DENND10: variants seen among roughly 807,000 people sequenced by gnomAD.
The protein encoded by DENND10 is DENN domain containing 10.
Under a neutral mutation model 43.6 loss-of-function variants are expected in DENND10, and 24 were observed. The observed-to-expected ratio is 0.55, with a 90% CI of 0.40 to 0.77. The LOEUF (loss-of-function observed/expected upper bound fraction) is 0.77, where lower values mean the gene tolerates loss of function less well. Ranked by LOEUF, DENND10 falls within the 30% of genes least tolerant of loss-of-function variation. DENND10 has a pLI of 0.00. For synonymous variants in DENND10, 125 were observed against 157.6 expected, an observed-to-expected ratio of 0.79 and a Z score of 1.55; for missense variants, 303 against 429.9, an observed-to-expected ratio of 0.70 and a Z score of 2.61.
At chr10:119,134,247 C>G (rs1305545121) in intron 8 of DENND10, 1 of 152,088 alleles carries the variant, frequency 6.6e-6, no homozygotes, top group Non-Finnish European at 1.5e-5. Flanking sequence ...CCACGCTGAC[C>G]AGGCTGATCT....
chr10:119,104,531 G>A (rs1443197003), intron 1 of DENND10, among the ~76,000 whole-genome samples: 2 of 150,000 alleles, frequency 1.3e-5, no homozygotes, highest in Non-Finnish European at 3.0e-5. Context: ...CCCAGGCTGG[G>A]CAGCTGCGAG....
chr10:119,131,134 T>C (rs1176312243), intron 7 of DENND10, among the ~76,000 whole-genome samples: 1 of 152,198 alleles, frequency 6.6e-6, no homozygotes, highest in Non-Finnish European at 1.5e-5. Flanking sequence ...GGTGTACTAG[T>C]GTTAGAGTGG....
intron 6 of DENND10, among the ~76,000 whole-genome samples, chr10:119,127,199 T>TGG (rs1374005129): frequency 2.6e-5 from 4 of 152,142 alleles, no homozygotes; most frequent in Non-Finnish European, 5.9e-5. Context: ...CTACTGTGCC[T>TGG]GGCCTAAACA....
rs759323041 is a variant in DENND10 at position 119,108,107 on chromosome 10, A to G, written c.195A>G (p.Arg65=). ...ATCCCTTTGTCTTTGGTCAGTACAGAAGAACATGGTTTTATATCACAACAA... is the reference window on the plus strand; with the variant it reads ...ATCCCTTTGTCTTTGGTCAGTACAGGAGAACATGGTTTTATATCACAACAA... ...LLHPFVFGQY[R]RTWFYITTIE... is the part of the protein sequence containing the mutation. The change falls in exon 2 of 9, where the codon AGA becomes AGG. Residue 65 remains arginine (R), a synonymous_variant. Transcript: ENST00000361432. The G allele has an allele frequency of 6.2e-7, 1 of 1,614,056 alleles. No individual in the cohort carries two copies. The highest frequency in any genetic ancestry group is 1.1e-5 in the South Asian group (1 of 91,084).
chr10:119,118,199 G>A (rs888368053), intron 4 of DENND10, among the ~76,000 whole-genome samples: 3 of 151,962 alleles, frequency 2.0e-5, no homozygotes, highest in African/African-American at 7.3e-5. Flanking sequence ...TTTAACCCCC[G>A]TATTTCCTTA....
intron 3 of DENND10, among the ~76,000 whole-genome samples, chr10:119,116,665 CTTTTTT>C (rs71016543): frequency 1.1e-4 from 15 of 132,196 alleles, no homozygotes; most frequent in East Asian, 2.2e-4. Flanking sequence ...TTCTTTCTTT[CTTTTTT>C]TTTTTTTTTT....
chr10:119,136,643 T>A lies in DENND10; in HGVS notation c.1070T>A (p.Ile357Asn). Reference protein sequence around the residue: ...HLAAAEQMLKI With the variant: ...HLAAAEQMLKN ...GCAGCAGCCGAACAAATGCTGAAAATCTGACTGTGTGACAGAACGTATCAC... is the reference window on the plus strand; with the variant it reads ...GCAGCAGCCGAACAAATGCTGAAAAACTGACTGTGTGACAGAACGTATCAC... Residue 357 changes from isoleucine to asparagine, a missense_variant, in exon 9 of 9, where the codon ATC (isoleucine) becomes AAC (asparagine). Physicochemically the swap from Ile to Asn is moderately radical, Grantham distance 149. Transcript: ENST00000361432. 5 of 1,466,214 alleles carry A rather than the reference T, an allele frequency of 3.4e-6. No homozygotes were observed. Among genetic ancestry groups the A allele is most frequent in the Non-Finnish European group, 4.6e-6 (5 of 1,084,668 alleles). 90.8% of individuals were successfully genotyped at this position (1,466,214 alleles called of 1,614,324 possible).
intron 2 of DENND10, among the ~76,000 whole-genome samples, chr10:119,108,610 G>C (rs956519410): frequency 2.6e-5 from 4 of 151,806 alleles, no homozygotes; most frequent in African/African-American, 7.3e-5. Flanking sequence ...CCCTGTAGTT[G>C]ATACAGTGGT....
chr10:119,136,110 C>G (rs564028171), intron 8 of DENND10, among the ~76,000 whole-genome samples: 1 of 152,044 alleles, frequency 6.6e-6, no homozygotes, highest in Non-Finnish European at 1.5e-5. Context: ...CCTGGGAGGT[C>G]GAGGCTGCAG....
In DENND10 at chr10:119,136,538, G is replaced by C. The variant is rs776865976; in HGVS notation, c.965G>C (p.Gly322Ala). ...CCGTTTTCAGAAGTTTCGGCTGATGGAGAAAAGAGAGTCCTTAATTTGGAG... is the reference window on the plus strand; with the variant it reads ...CCGTTTTCAGAAGTTTCGGCTGATGCAGAAAAGAGAGTCCTTAATTTGGAG... ...LAPFSEVSAD[G>A]EKRVLNLEAL... The change falls in exon 9 of 9, where the codon GGA (glycine) becomes GCA (alanine). Residue 322 changes from glycine (G) to alanine (A), a missense_variant. Physicochemically the swap from Gly to Ala is moderately conservative, Grantham distance 60 (BLOSUM62 0). Coordinates refer to ENST00000361432, the MANE Select transcript of DENND10 (RefSeq NM_207009.4). 2.5e-6 allele frequency: 4 copies of C among 1,587,114 alleles called. No individual in the cohort carries two copies. The Admixed American group carries it at 7.9e-5, about 31-fold the overall frequency.
intron 8 of DENND10, chr10:119,133,900 C>G (rs1213780738): frequency 6.6e-6 from 1 of 152,188 alleles, no homozygotes; most frequent in African/African-American, 2.4e-5. Flanking sequence ...CTGTGTTGTT[C>G]ACAGACTAAA....
intron 4 of DENND10, 39 bp from the exon 5 acceptor site, chr10:119,120,302 T>C (rs1355218318): frequency 6.2e-6 from 7 of 1,136,060 alleles, no homozygotes; most frequent in Non-Finnish European, 9.2e-6. Flanking sequence ...CTTTGCATGA[T>C]GTGTAATGCA....
chr10:119,132,090 T>C lies in DENND10; in HGVS notation c.803-425T>C, dbSNP rs145732551. 5.9e-5 allele frequency among the ~76,000 whole-genome samples: 9 copies of C among 152,350 alleles called. No individual in the cohort carries two copies. The East Asian group carries it at 1.7e-3, about 29-fold the overall frequency. ...AAACGAATTGAGCGCCCAGCTGGCT[T>C]CTGCAGAACTGACAGGAAGCTCCTC... On this transcript the variant is annotated intron_variant, in intron 7 of 8. Transcript: ENST00000361432. The surrounding 1 kb of genome is among the most constrained non-coding windows in gnomAD (Gnocchi z 4.2).
rs976072546 is a variant in DENND10 at position 119,136,845 on chromosome 10, T to A, written c.*198T>A. On this transcript the variant is annotated 3_prime_UTR_variant, in exon 9 of 9. Coordinates refer to ENST00000361432, the MANE Select transcript of DENND10 (RefSeq NM_207009.4). ...CCGATTTTCTCCTCGCTGATTAGCT[T>A]CCTGCCTGCTGTCAGTGCTGGACGA... The A allele has an allele frequency of 2.7e-4, 122 of 451,514 alleles. 3 individuals carry two copies. The highest frequency in any genetic ancestry group is 8.2e-5 in the Non-Finnish European group (20 of 244,594). 28.0% of individuals were successfully genotyped at this position (451,514 alleles called of 1,614,324 possible). A position where few individuals can be genotyped will look rare whatever the true frequency, so the allele number is the denominator to read the frequency against.
At chr10:119,115,816 T>A (rs1276100962) in intron 3 of DENND10, among the ~76,000 whole-genome samples, 1 of 148,432 alleles carries the variant, frequency 6.7e-6, no homozygotes. Flanking sequence ...CAGGCTGGAG[T>A]GCAGTGGTGT....
At chr10:119,120,010 G>A (rs1845483032) in intron 4 of DENND10, among the ~76,000 whole-genome samples, 3 of 152,260 alleles carry the variant, frequency 2.0e-5, no homozygotes, top group East Asian at 1.9e-4. Context: ...CACTTTGGGA[G>A]GCTGAGGTGG....
intron 3 of DENND10, among the ~76,000 whole-genome samples, chr10:119,116,776 A>G (rs1845304309): frequency 6.7e-6 from 1 of 149,964 alleles, no homozygotes; most frequent in Non-Finnish European, 1.5e-5. Context: ...TCAAGCGACA[A>G]TCCTGCCTCA....
intron 2 of DENND10, 131 bp from the exon 3 acceptor site, chr10:119,111,718 A>G (rs1844985810): frequency 1.6e-6 from 1 of 640,678 alleles, no homozygotes; most frequent in Non-Finnish European, 2.7e-6. Context: ...GCAAGTGAGG[A>G]CTTGTTAAAT....
chr10:119,126,396 C>T lies in DENND10; in HGVS notation c.694+2827C>T, dbSNP rs545998279. ...ATTTCCATACTGTTCTCCATAGTGACTGTACTAATTTACATTCCTACCAAC... is the reference window on the plus strand; with the variant it reads ...ATTTCCATACTGTTCTCCATAGTGATTGTACTAATTTACATTCCTACCAAC... On this transcript the variant is annotated intron_variant, in intron 6 of 8. Transcript: ENST00000361432. Among the ~76,000 whole-genome samples, 115 of 152,330 alleles carry T rather than the reference C, an allele frequency of 7.5e-4. 2 individuals carry two copies. Among genetic ancestry groups the T allele is most frequent in the African/African-American group, 2.7e-3 (114 of 41,586 alleles).
Sources: allele counts gnomAD v4.1 joint callset (sites outside exome capture counted in the v4.1 genomes callset), GRCh38; gene constraint gnomAD v4.1.1; non-coding constraint Gnocchi (gnomAD v3.1); transcripts MANE v1.5; gene names NCBI Gene and HGNC (gene_info 2026-07-23, HGNC 2026-07-21).